GPR158: variants seen among roughly 807,000 people sequenced by gnomAD.
GPR158 encodes the protein G protein-coupled receptor 158.
A neutral mutation model predicts 78.2 loss-of-function variants in GPR158; 30 were observed. The ratio of observed to expected loss-of-function variants is 0.38; its 90% CI spans 0.29 to 0.52. The LOEUF (loss-of-function observed/expected upper bound fraction) is 0.52, where lower values mean the gene tolerates loss of function less well. Ranked by LOEUF, GPR158 falls within the 20% of genes least tolerant of loss-of-function variation. The pLI is 0.83. For missense variants in GPR158, 1,463 were observed against 1,523.5 expected (o/e 0.96, Z 0.66); for synonymous variants, 581 against 591.1 (o/e 0.98, Z 0.25).
At chr10:25,336,613 C>A (rs1855212039) in intron 2 of GPR158, among the ~76,000 whole-genome samples, 1 of 151,980 alleles carries the variant, frequency 6.6e-6, no homozygotes, top group Admixed American at 6.6e-5. Context: ...GGAAAGTCTG[C>A]TGAAGGGATT....
chr10:25,335,312 T>C (rs1188554651), intron 2 of GPR158, among the ~76,000 whole-genome samples: 1 of 152,112 alleles, frequency 6.6e-6, no homozygotes, highest in Non-Finnish European at 1.5e-5. Flanking sequence ...CATTACTCAC[T>C]AATAGCTTTT....
In GPR158 at chr10:25,175,387, C is replaced by CG; in HGVS notation, c.-34_-33insG. ...CCAAATTTAAAAAGTGATTCCCCCCCCTCCCGTTCCCTCCTCTTCTCTCTG... is the reference window on the plus strand; with the variant it reads ...CCAAATTTAAAAAGTGATTCCCCCCCGCTCCCGTTCCCTCCTCTTCTCTCTG... On this transcript the variant is annotated 5_prime_UTR_variant, in exon 1 of 11. Transcript: ENST00000376351. This position sits in a 1 kb window ranked among gnomAD's most constrained non-coding sequence, Gnocchi z 6.4. 3 of 1,315,124 alleles carry CG rather than the reference C, an allele frequency of 2.3e-6. No individual in the cohort carries two copies. The highest frequency in any genetic ancestry group is 3.2e-6 in the Non-Finnish European group (3 of 952,226). 81.5% of individuals were successfully genotyped at this position (1,315,124 alleles called of 1,614,324 possible).
chr10:25,319,822 A>ACCCCCCCCC (rs11379091), intron 2 of GPR158, among the ~76,000 whole-genome samples: 1 of 134,084 alleles, frequency 7.5e-6, no homozygotes, highest in Non-Finnish European at 1.6e-5. Flanking sequence ...TGAACACCCC[A>ACCCCCCCCC]CCCCCCCCAA....
intron 2 of GPR158, among the ~76,000 whole-genome samples, chr10:25,347,961 T>C (rs1855396731): frequency 6.6e-6 from 1 of 151,940 alleles, no homozygotes; most frequent in Non-Finnish European, 1.5e-5. Flanking sequence ...CCAGCCTTTC[T>C]GTGACCCCTA....
At chr10:25,216,663 T>C (rs151013049) in intron 1 of GPR158, among the ~76,000 whole-genome samples, 3 of 152,320 alleles carry the variant, frequency 2.0e-5, no homozygotes, top group African/African-American at 7.2e-5. Context: ...CTAATTGATA[T>C]GAAGAAGGTA....
At chr10:25,252,273 C>G (rs1482760162) in intron 2 of GPR158, among the ~76,000 whole-genome samples, 2 of 151,370 alleles carry the variant, frequency 1.3e-5, no homozygotes, top group African/African-American at 4.8e-5. Context: ...CCTCCTGTAG[C>G]TCAGAGTAAT....
At chr10:25,235,911 T>C (rs1853516927) in intron 2 of GPR158, among the ~76,000 whole-genome samples, 1 of 151,872 alleles carries the variant, frequency 6.6e-6, no homozygotes, top group Non-Finnish European at 1.5e-5. Flanking sequence ...TTAGCCAGGA[T>C]GGTGTCAATC....
At chr10:25,480,262 A>G (rs574977326) in intron 5 of GPR158, among the ~76,000 whole-genome samples, 1 of 152,316 alleles carries the variant, frequency 6.6e-6, no homozygotes, top group East Asian at 1.9e-4. Flanking sequence ...ATATTTAAAC[A>G]AAGAGTCTGC....
At chr10:25,595,277 T>C (rs138305544) in intron 9 of GPR158, among the ~76,000 whole-genome samples, 62 of 152,338 alleles carry the variant, frequency 4.1e-4, no homozygotes, top group African/African-American at 1.4e-3. Flanking sequence ...ACAAGATACC[T>C]ATTTTATTCC....
intron 6 of GPR158, among the ~76,000 whole-genome samples, chr10:25,563,996 G>T: frequency 6.6e-6 from 1 of 151,294 alleles, no homozygotes; most frequent in African/African-American, 2.4e-5. Context: ...ATTATATTAT[G>T]GTAAATCCAA....
intron 4 of GPR158, among the ~76,000 whole-genome samples, chr10:25,413,942 A>G (rs1239767828): frequency 6.6e-6 from 1 of 152,240 alleles, no homozygotes; most frequent in African/African-American, 2.4e-5. Flanking sequence ...GTAGCCAAGT[A>G]GAGTTGAGAA....
chr10:25,470,847 C>T (rs1835489601), intron 5 of GPR158, among the ~76,000 whole-genome samples: 1 of 152,082 alleles, frequency 6.6e-6, no homozygotes, highest in Non-Finnish European at 1.5e-5. Context: ...ATATCTGTTG[C>T]TACTATAATC....
chr10:25,221,147 A>C lies in GPR158; in HGVS notation c.998A>C (p.Asn333Thr), dbSNP rs749587141. The change falls in exon 2 of 11, where the codon AAC becomes ACC. Residue 333 changes from asparagine to threonine, a missense_variant. Coordinates refer to ENST00000376351, the MANE Select transcript of GPR158 (RefSeq NM_020752.3). Reference sequence around the variant, plus strand: ...TCAGGAACTCATAAATGCCACCTCAACAATTCAGAGGTAAGAAGATGAAAA... The same window carrying C: ...TCAGGAACTCATAAATGCCACCTCACCAATTCAGAGGTAAGAAGATGAAAA... The part of the protein sequence containing the change: ...WFSGTHKCHL[N>T]NSECMPIKGL... 6.6e-7 allele frequency: 1 copy of C among 1,503,840 alleles called. No individual in the cohort carries two copies. Among genetic ancestry groups the C allele is most frequent in the South Asian group, 1.1e-5 (1 of 88,358 alleles). 93.2% of individuals were successfully genotyped at this position (1,503,840 alleles called of 1,614,324 possible). A position where few individuals can be genotyped will look rare whatever the true frequency, so the allele number is the denominator to read the frequency against.
intron 5 of GPR158, chr10:25,475,933 C>G (rs1433427671): frequency 6.6e-6 from 1 of 152,040 alleles, no homozygotes; most frequent in Non-Finnish European, 1.5e-5. Context: ...TATTGTTGTT[C>G]AGATTTGCAA....
intron 5 of GPR158, among the ~76,000 whole-genome samples, chr10:25,522,139 T>TG (rs1260816955): frequency 1.3e-5 from 2 of 152,242 alleles, no homozygotes; most frequent in Non-Finnish European, 2.9e-5. Context: ...CTTAGTCTTT[T>TG]GGGGTCTCAG....
At chr10:25,288,249 TG>T (rs1854381494) in intron 2 of GPR158, among the ~76,000 whole-genome samples, 1 of 152,230 alleles carries the variant, frequency 6.6e-6, no homozygotes, top group Non-Finnish European at 1.5e-5. Flanking sequence ...TGAACACAAG[TG>T]TTTTTAATCA....
At chr10:25,588,254 G>T (rs1452696384) in intron 7 of GPR158, among the ~76,000 whole-genome samples, 2 of 152,166 alleles carry the variant, frequency 1.3e-5, no homozygotes, top group African/African-American at 4.8e-5. Context: ...TGACCAGAGA[G>T]GTTAAGTAAA....
chr10:25,301,224 TTTTTCAAC>T (rs1854589628), intron 2 of GPR158, among the ~76,000 whole-genome samples: 1 of 152,060 alleles, frequency 6.6e-6, no homozygotes, highest in Non-Finnish European at 1.5e-5. Flanking sequence ...TTCTGTAAGG[TTTTTCAAC>T]GAATAGACTG....
At chr10:25,525,809 A>T (rs1202533293) in intron 5 of GPR158, among the ~76,000 whole-genome samples, 2 of 152,194 alleles carry the variant, frequency 1.3e-5, no homozygotes, top group African/African-American at 4.8e-5. Context: ...AAAGCTATTT[A>T]TAAAAGTCAT....
Sources: gnomAD v4.1 joint callset for allele counts (sites outside exome capture counted in the v4.1 genomes callset) on GRCh38, gnomAD v4.1.1 for gene constraint, Gnocchi (gnomAD v3.1) non-coding constraint, MANE v1.5 for transcripts, NCBI Gene and HGNC (gene_info 2026-07-23, HGNC 2026-07-21) for gene names.